The following EME1 variants were observed in gnomAD, a reference collection of about 807,000 sequenced individuals.
EME1 encodes the protein structure-specific endonuclease subunit EME1.
Under a neutral mutation model 59.1 loss-of-function variants are expected in EME1, and 61 were observed. The observed-to-expected ratio is 1.03, with a 90% CI of 0.84 to 1.28. The LOEUF (loss-of-function observed/expected upper bound fraction) is 1.28, where lower values mean the gene tolerates loss of function less well. Among genes scored for constraint, EME1 ranks in the 50% most tolerant of loss-of-function variants. The probability of loss-of-function intolerance (pLI) is 0.00; values close to 1 mark genes in which losing one functional copy is unlikely to be tolerated. For synonymous variants in EME1, 230 were observed against 254.2 expected (o/e 0.90, Z 0.90); for missense variants, 635 against 682.6 (o/e 0.93, Z 0.78).
At position 50,375,831 on chromosome 17, in the gene EME1, G is replaced by A. The variant is rs1256376465; in HGVS notation, c.623G>A (p.Arg208Lys). Residue 208 changes from arginine (R) to lysine (K), a missense_variant, in exon 2 of 9, where the codon AGA (arginine) becomes AAA (lysine). Coordinates refer to ENST00000338165, the MANE Select transcript of EME1 (RefSeq NM_152463.4). ...KTKPSQKVQG[R>K]GSHGCRQQRQ... ...AAGCCGAGTCAGAAGGTCCAGGGAA[G>A]AGGCTCACACGGATGCCGGCAGCAG... 6.2e-6 allele frequency: 10 copies of A among 1,614,120 alleles called. No individual in the cohort carries two copies. The highest frequency in any genetic ancestry group is 8.5e-6 in the Non-Finnish European group (10 of 1,180,044).
At position 50,375,536 on chromosome 17, in the gene EME1, C is replaced by G. The variant is rs1288045704; in HGVS notation, c.328C>G (p.Leu110Val). 6.2e-7 allele frequency: 1 copy of G among 1,614,114 alleles called. No homozygotes were observed. Among genetic ancestry groups the G allele is most frequent in the Admixed American group, 1.7e-5 (1 of 60,004 alleles). Residue 110 changes from leucine to valine, a missense_variant, in exon 2 of 9, where the codon CTG becomes GTG. Transcript: ENST00000338165. ...LTCKFLTHKQ[L>V]SPEDSSSPVK... ...ATGTAAGTTTCTGACCCACAAGCAA[C>G]TGAGCCCTGAGGACTCTAGCTCCCC...
chr17:50,379,413 T>C (rs1168717045), intron 6 of EME1, 39 bp from the exon 7 acceptor site: 1 of 1,607,576 alleles, frequency 6.2e-7, no homozygotes. Flanking sequence ...GCTAGTCTCT[T>C]CCTACCCTTC....
chr17:50,379,325 C>A, intron 6 of EME1, 101 bp downstream of exon 6: 1 of 1,591,436 alleles, frequency 6.3e-7, no homozygotes, highest in Non-Finnish European at 8.6e-7. Flanking sequence ...TGTTTTCTGC[C>A]TTGGCACTGA....
At position 50,375,667 on chromosome 17, in the gene EME1, G is replaced by A. The variant is rs1370727805; in HGVS notation, c.459G>A (p.Arg153=). 11 of 1,613,948 alleles carry A rather than the reference G, an allele frequency of 6.8e-6. No individual in the cohort carries two copies. The highest frequency in any genetic ancestry group is 6.8e-6 in the Non-Finnish European group (8 of 1,180,046). ...PEVPLHDTPE[R]SAADNKDLIL... ...TTCCCCTCCATGATACCCCAGAGAG[G>A]AGTGCAGCAGATAACAAGGACCTGA... The change falls in exon 2 of 9, where the codon AGG becomes AGA. Residue 153 remains arginine (R), a synonymous_variant. Coordinates refer to ENST00000338165, the MANE Select transcript of EME1 (RefSeq NM_152463.4).
At chr17:50,373,365 A>G (rs1652996806) in intron 1 of EME1, 88 bp downstream of exon 1, 9 of 715,600 alleles carry the variant, frequency 1.3e-5, no homozygotes, top group East Asian at 5.6e-5. Flanking sequence ...TAAGGTGTCC[A>G]GGAGCCTCTG....
At chr17:50,379,988 G>T (rs908559555) in intron 7 of EME1, 1 of 320,828 alleles carries the variant, frequency 3.1e-6, no homozygotes, top group Non-Finnish European at 5.8e-6. Flanking sequence ...TACTTGAGGG[G>T]ACTGAGGCCT....
chr17:50,379,892 C>G, intron 7 of EME1: 1 of 327,004 alleles, frequency 3.1e-6, no homozygotes, highest in South Asian at 4.4e-5. Flanking sequence ...AAATTTTTGG[C>G]CTACTCAGTT....
Position 50,378,648 on chromosome 17 carries a change from G to A in EME1, c.957G>A (p.Glu319=). 1 of 1,614,164 alleles carries A rather than the reference G, an allele frequency of 6.2e-7. No homozygotes were observed. Among genetic ancestry groups the A allele is most frequent in the African/African-American group, 1.3e-5 (1 of 75,042 alleles). The stretch of plus-strand genomic sequence containing the variant: ...CAGTACTGGTGTTGCTCCGGGCAGA[G>A]GCATTTGTGTCCATGATCGACAATG... The part of the protein sequence containing the change: ...EPTVLVLLRA[E]AFVSMIDNGK... The change falls in exon 4 of 9, where the codon GAG becomes GAA. Residue 319 remains glutamate (E), a synonymous_variant. Coordinates refer to ENST00000338165, the MANE Select transcript of EME1 (RefSeq NM_152463.4).
chr17:50,373,441 G>C (rs1309252477), intron 1 of EME1, among the ~76,000 whole-genome samples, 164 bp downstream of exon 1: 1 of 152,218 alleles, frequency 6.6e-6, no homozygotes, highest in Non-Finnish European at 1.5e-5. Flanking sequence ...CCACTCCCCT[G>C]ATTTGCAGAT....
At chr17:50,376,649 C>A (rs919414238) in intron 3 of EME1, among the ~76,000 whole-genome samples, 1 of 152,208 alleles carries the variant, frequency 6.6e-6, no homozygotes, top group Non-Finnish European at 1.5e-5. Context: ...GTTACCATCC[C>A]TATGCCTGAA....
At chr17:50,378,005 G>A (rs910413476) in intron 3 of EME1, among the ~76,000 whole-genome samples, 36 of 151,794 alleles carry the variant, frequency 2.4e-4, no homozygotes, top group South Asian at 1.5e-3. Context: ...TGATCCGCCC[G>A]CCTAGGCCTC....
At position 50,380,888 on chromosome 17, in the gene EME1, C is replaced by A; in HGVS notation, c.1662C>A (p.Tyr554Ter). ...GACCAGAACTATCCAGGCGTATCTACCTTCAGATGACCACTTTACAGCCAC... is the reference window on the plus strand; with the variant it reads ...GACCAGAACTATCCAGGCGTATCTAACTTCAGATGACCACTTTACAGCCAC... Reference protein sequence around the residue: ...RIGPELSRRIYLQMTTLQPHL... With the variant: ...RIGPELSRRI The change falls in exon 9 of 9, where the codon TAC becomes TAA. Residue 554 changes from tyrosine to a stop codon, truncating the protein, a stop_gained. Transcript: ENST00000338165. LOFTEE classifies it high-confidence loss of function. 6.2e-7 allele frequency: 1 copy of A among 1,614,198 alleles called. No individual in the cohort carries two copies. The highest frequency in any genetic ancestry group is 8.5e-7 in the Non-Finnish European group (1 of 1,180,030).
Position 50,376,210 on chromosome 17 carries a change from TGAC to T in EME1, c.903+18_903+20del. 6.2e-7 allele frequency: 1 copy of T among 1,608,806 alleles called. No homozygotes were observed. The highest frequency in any genetic ancestry group is 8.5e-7 in the Non-Finnish European group (1 of 1,176,886). On this transcript the variant is annotated intron_variant, in intron 3 of 8. Coordinates refer to ENST00000338165, the MANE Select transcript of EME1 (RefSeq NM_152463.4). ...CCGTCTGAGGTAGGAGTTTTCTGGCTGACATTTCCTCCCTCTCCTCCCCTTACA... is the reference window on the plus strand; with the variant it reads ...CCGTCTGAGGTAGGAGTTTTCTGGCTATTTCCTCCCTCTCCTCCCCTTACA...
At position 50,380,893 on chromosome 17, in the gene EME1, A is replaced by C; in HGVS notation, c.1667A>C (p.Gln556Pro). The C allele has an allele frequency of 6.2e-7, 1 of 1,614,244 alleles. No homozygotes were observed. The highest frequency in any genetic ancestry group is 1.1e-5 in the South Asian group (1 of 91,092). Residue 556 changes from glutamine to proline, a missense_variant, in exon 9 of 9, where the codon CAG becomes CCG. By Grantham distance (76) the Gln-to-Pro change is moderately conservative. Coordinates refer to ENST00000338165, the MANE Select transcript of EME1 (RefSeq NM_152463.4). ...GPELSRRIYL[Q>P]MTTLQPHLSL... is the part of the protein sequence containing the mutation. ...GAACTATCCAGGCGTATCTACCTTC[A>C]GATGACCACTTTACAGCCACATCTC...
chr17:50,375,646 C>G lies in EME1; in HGVS notation c.438C>G (p.Pro146=). The change falls in exon 2 of 9, where the codon CCC becomes CCG. Residue 146 remains proline, a synonymous_variant. Transcript: ENST00000338165. ...KKPFPKIPEV[P]LHDTPERSAA... ...CCTTTCCAAAGATCCCTGAAGTTCC[C>G]CTCCATGATACCCCAGAGAGGAGTG... The G allele has an allele frequency of 6.2e-7, 1 of 1,614,118 alleles. No homozygotes were observed. The highest frequency in any genetic ancestry group is 2.2e-5 in the East Asian group (1 of 44,888).
intron 1 of EME1, among the ~76,000 whole-genome samples, chr17:50,373,606 C>A (rs565883397): frequency 6.6e-5 from 10 of 152,204 alleles, no homozygotes; most frequent in Admixed American, 1.3e-4. Context: ...GGTGCTGTTA[C>A]CATCCCTGTT....
chr17:50,375,415 A>C lies in EME1; in HGVS notation c.207A>C (p.Glu69Asp), dbSNP rs3760413. 0.86 allele frequency: 1,389,910 copies of C among 1,614,094 alleles called. 609,624 individuals are homozygous for C. The highest frequency in any genetic ancestry group is 0.98 in the African/African-American group (73,468 of 75,014). Residue 69 changes from glutamate (E) to aspartate (D), a missense_variant, in exon 2 of 9, where the codon GAA becomes GAC. By Grantham distance (45) the Glu-to-Asp change is conservative. Coordinates refer to ENST00000338165, the MANE Select transcript of EME1 (RefSeq NM_152463.4). ...APELFSPPVPEIAETVTQTQP... is the reference protein window; with the variant it reads ...APELFSPPVPDIAETVTQTQP... ...AGTTATTTTCACCACCTGTCCCAGA[A>C]ATAGCTGAAACTGTCACACAAACAC...
Position 50,376,021 on chromosome 17 carries a change from G to C in EME1, c.775+38G>C, listed in dbSNP as rs749348779. ...GTCTTTGTCCTGTGCTGAGTTATCT[G>C]CGTTCTGGACCCCCCACTGACAGTC... is the stretch of plus-strand genomic sequence containing the variant. On this transcript the variant is annotated intron_variant, in intron 2 of 8. Transcript: ENST00000338165. 3.7e-6 allele frequency: 6 copies of C among 1,607,310 alleles called. No homozygotes were observed. In the African/African-American group the frequency reaches 8.0e-5, roughly 21 times the overall value.
intron 3 of EME1, among the ~76,000 whole-genome samples, chr17:50,378,167 A>C (rs1348494225): frequency 1.3e-5 from 2 of 151,262 alleles, no homozygotes; most frequent in East Asian, 3.9e-4. Flanking sequence ...CCCAGTTTCA[A>C]GCAATTCTCC....
Sources: gnomAD v4.1 joint callset for allele counts (sites outside exome capture counted in the v4.1 genomes callset) on GRCh38, gnomAD v4.1.1 for gene constraint, MANE v1.5 for transcripts, NCBI Gene and HGNC (gene_info 2026-07-23, HGNC 2026-07-21) for gene names.